The following UBAP2 variants were observed in gnomAD, a reference collection of about 807,000 sequenced individuals.
The protein encoded by UBAP2 is ubiquitin-associated protein 2.
UBAP2 carries 75 observed loss-of-function variants against 139.6 expected under a neutral mutation model. The observed-to-expected ratio is 0.54, with a 90% CI of 0.45 to 0.65. The LOEUF (loss-of-function observed/expected upper bound fraction) is 0.65, where lower values mean the gene tolerates loss of function less well. Ranked by LOEUF, UBAP2 falls within the 30% of genes least tolerant of loss-of-function variation. The pLI is 0.00. For synonymous variants in UBAP2, 526 were observed against 526.2 expected (o/e 1.00, Z 0.01); for missense variants, 1,368 against 1,369.6 (o/e 1.00, Z 0.02).
intron 2 of UBAP2, among the ~76,000 whole-genome samples, chr9:33,999,904 ATGT>A (rs1412334193): frequency 4.6e-5 from 2 of 43,808 alleles, no homozygotes; most frequent in South Asian, 5.4e-4. Context: ...GTATGTATGT[ATGT>A]TATTTTGAGA....
chr9:34,016,392 GGTGGTGGTGGTGGTGGTGGTGGCA>G (rs1824345205), intron 2 of UBAP2, among the ~76,000 whole-genome samples: 1 of 148,890 alleles, frequency 6.7e-6, no homozygotes, highest in Non-Finnish European at 1.5e-5. Context: ...TGGTGGTGGT[GGTGGTGGTGGTGGTGGTGGTGGCA>G]GTGGCAGCCT....
chr9:33,957,171 T>C (rs975969960), intron 10 of UBAP2, among the ~76,000 whole-genome samples: 2 of 152,342 alleles, frequency 1.3e-5, no homozygotes, highest in Non-Finnish European at 2.9e-5. Context: ...CAGATGTCTT[T>C]AGTACTTAAT....
At chr9:34,028,747 A>AATTATTC (rs1424417562) in intron 1 of UBAP2, among the ~76,000 whole-genome samples, 7 of 151,768 alleles carry the variant, frequency 4.6e-5, no homozygotes, top group Non-Finnish European at 7.4e-5. Flanking sequence ...AAAAGCATGT[A>AATTATTC]ATTATTCATA....
intron 1 of UBAP2, among the ~76,000 whole-genome samples, chr9:34,035,652 T>C (rs578015774): frequency 1.7e-3 from 248 of 150,076 alleles, no homozygotes; most frequent in African/African-American, 5.7e-3. Flanking sequence ...GCTACTGTAC[T>C]CCAACCTGGG....
At chr9:34,003,059 GTTTT>G in intron 2 of UBAP2, among the ~76,000 whole-genome samples, 1 of 148,220 alleles carries the variant, frequency 6.7e-6, no homozygotes, top group East Asian at 2.0e-4. Flanking sequence ...TTCTTTCGTT[GTTTT>G]TTTTTTTCTT....
chr9:34,033,884 C>A (rs893445634), intron 1 of UBAP2, among the ~76,000 whole-genome samples: 1 of 151,890 alleles, frequency 6.6e-6, no homozygotes, highest in African/African-American at 2.4e-5. Context: ...TACAGGCACC[C>A]ACCACCATGC....
At chr9:34,033,254 T>G (rs886410464) in intron 1 of UBAP2, among the ~76,000 whole-genome samples, 1 of 152,192 alleles carries the variant, frequency 6.6e-6, no homozygotes, top group Non-Finnish European at 1.5e-5. Flanking sequence ...ACATGGTACT[T>G]ATACACAACA....
chr9:33,954,226 A>G (rs1216385393), intron 11 of UBAP2, among the ~76,000 whole-genome samples: 1 of 146,182 alleles, frequency 6.8e-6, no homozygotes, highest in Non-Finnish European at 1.5e-5. Flanking sequence ...ATTTATCTTA[A>G]ATTTTTACAT....
chr9:34,016,385 TGGTGG>T (rs1824342474), intron 2 of UBAP2, among the ~76,000 whole-genome samples: 1 of 78,884 alleles, frequency 1.3e-5, no homozygotes, highest in Non-Finnish European at 2.7e-5. Flanking sequence ...GTGGTGGTGG[TGGTGG>T]TGGTGGTGGT....
chr9:33,972,767 T>C (rs553231444), intron 7 of UBAP2, among the ~76,000 whole-genome samples: 46 of 152,322 alleles, frequency 3.0e-4, no homozygotes, highest in African/African-American at 1.0e-3. Context: ...AGCATTACAT[T>C]TACTTAGCAT....
In UBAP2 at chr9:33,923,791, T is replaced by G. The variant is rs1038479394; in HGVS notation, c.2796+4A>C. On this transcript the variant is annotated splice_donor_region_variant and intron_variant, in intron 24 of 28. Coordinates refer to ENST00000379238, the MANE Select transcript of UBAP2 (RefSeq NM_001370062.2). ...GACACAGTCACACCCTCTGAAATAC[T>G]CACAAACATGGTGGGGCCATACTGG... 1.2e-6 allele frequency: 2 copies of G among 1,613,748 alleles called. No homozygotes were observed. The highest frequency in any genetic ancestry group is 2.7e-5 in the African/African-American group (2 of 74,882).
At chr9:33,931,081 A>T (rs539943607) in intron 19 of UBAP2, among the ~76,000 whole-genome samples, 1 of 152,204 alleles carries the variant, frequency 6.6e-6, no homozygotes, top group African/African-American at 2.4e-5. Context: ...TATTATGAAC[A>T]AACAGTTGAC....
intron 19 of UBAP2, among the ~76,000 whole-genome samples, chr9:33,929,478 C>T (rs1030286653): frequency 1.3e-5 from 2 of 152,212 alleles, no homozygotes; most frequent in Non-Finnish European, 2.9e-5. Flanking sequence ...CTCCCCAGGA[C>T]AGGCCCAGAG....
At chr9:33,923,772 G>C in intron 24 of UBAP2, 23 bp downstream of exon 24, 1 of 1,612,408 alleles carries the variant, frequency 6.2e-7, no homozygotes, top group East Asian at 2.2e-5. Context: ...AGGAGACACA[G>C]TCACACCCTC....
chr9:33,979,665 G>C (rs570651178), intron 6 of UBAP2, among the ~76,000 whole-genome samples: 39 of 152,108 alleles, frequency 2.6e-4, no homozygotes, highest in Non-Finnish European at 4.4e-4. Context: ...GGCAGATCAT[G>C]AGGTCAAGAG....
chr9:33,957,004 C>CGTGAACCCGGGAAGCGGA (rs1826621447), intron 10 of UBAP2, among the ~76,000 whole-genome samples: 1 of 151,318 alleles, frequency 6.6e-6, no homozygotes, highest in Non-Finnish European at 1.5e-5. Flanking sequence ...GCAGGAGAAT[C>CGTGAACCCGGGAAGCGGA]GCTTCAGTCC....
At chr9:34,026,009 A>G (rs1825370657) in intron 1 of UBAP2, among the ~76,000 whole-genome samples, 1 of 152,242 alleles carries the variant, frequency 6.6e-6, no homozygotes, top group South Asian at 2.1e-4. Flanking sequence ...TTTCTGTTAA[A>G]GCTTACATAA....
chr9:33,938,605 T>G (rs1824803524), intron 16 of UBAP2, among the ~76,000 whole-genome samples: 1 of 152,082 alleles, frequency 6.6e-6, no homozygotes, highest in Non-Finnish European at 1.5e-5. Flanking sequence ...GAGACCAGCC[T>G]GGGCAACATG....
At chr9:34,037,401 C>G (rs1246532924) in intron 1 of UBAP2, among the ~76,000 whole-genome samples, 1 of 152,178 alleles carries the variant, frequency 6.6e-6, no homozygotes, top group Non-Finnish European at 1.5e-5. Context: ...TCCCAAAGAG[C>G]TGGGATTACA....
Sources: allele counts gnomAD v4.1 joint callset (sites outside exome capture counted in the v4.1 genomes callset), GRCh38; gene constraint gnomAD v4.1.1; transcripts MANE v1.5; gene names NCBI Gene and HGNC (gene_info 2026-07-23, HGNC 2026-07-21).